Variants in PTPRD observed in about 807,000 individuals in gnomAD.
The protein encoded by PTPRD is receptor-type tyrosine-protein phosphatase delta.
In PTPRD, 34 loss-of-function variants were observed where a neutral mutation model predicts 214.5. The observed-to-expected ratio is 0.16, with a 90% CI of 0.12 to 0.21. The LOEUF is 0.21. Among genes scored for constraint, PTPRD ranks in the 10% least tolerant of loss-of-function variants. The pLI is 1.00. For synonymous variants in PTPRD, 1,128 were observed against 845.7 expected (o/e 1.33, Z -5.79); for missense variants, 2,545 against 2,398.7 (o/e 1.06, Z -1.27).
At chr9:10,454,591 CT>C (rs1405291384) in intron 2 of PTPRD, among the ~76,000 whole-genome samples, 2 of 151,638 alleles carry the variant, frequency 1.3e-5, no homozygotes, top group Non-Finnish European at 3.0e-5. Flanking sequence ...ATTCTTCCAC[CT>C]TAAACATATT....
intron 10 of PTPRD, among the ~76,000 whole-genome samples, chr9:9,043,904 A>AAAAATAAAATAAAAT (rs34743506): frequency 1.7e-4 from 24 of 137,440 alleles, no homozygotes; most frequent in African/African-American, 5.7e-4. Flanking sequence ...ACCCTGTCTC[A>AAAAATAAAATAAAAT]AAAATAAAAT....
At chr9:8,499,560 G>T in intron 25 of PTPRD, 87 bp downstream of exon 25, 1 of 1,428,838 alleles carries the variant, frequency 7.0e-7, no homozygotes, top group Non-Finnish European at 9.5e-7. Flanking sequence ...TTTAAATGTC[G>T]AAAAACTAAA....
At chr9:8,541,320 C>T (rs1007225925) in intron 14 of PTPRD, among the ~76,000 whole-genome samples, 6 of 152,130 alleles carry the variant, frequency 3.9e-5, no homozygotes, top group African/African-American at 1.4e-4. Flanking sequence ...GCATCAACCT[C>T]CCAGGCTGAA....
chr9:9,444,464 G>C (rs952929036), intron 8 of PTPRD, among the ~76,000 whole-genome samples: 5 of 152,116 alleles, frequency 3.3e-5, no homozygotes, highest in Non-Finnish European at 7.4e-5. Context: ...ATTGTGCCTA[G>C]CATGGCATTT....
At chr9:10,367,541 G>A (rs956374898) in intron 2 of PTPRD, among the ~76,000 whole-genome samples, 3 of 151,904 alleles carry the variant, frequency 2.0e-5, no homozygotes, top group African/African-American at 7.3e-5. Flanking sequence ...AGCCCAATGG[G>A]GAAATAAATA....
chr9:9,019,304 G>GA (rs1205930605), intron 10 of PTPRD, among the ~76,000 whole-genome samples: 3 of 86,812 alleles, frequency 3.5e-5, no homozygotes, highest in African/African-American at 1.5e-4. Flanking sequence ...AAGAAAGAAA[G>GA]AAAGAAAGAA....
intron 8 of PTPRD, among the ~76,000 whole-genome samples, chr9:9,449,104 C>T (rs567122238): frequency 1.3e-5 from 2 of 152,120 alleles, no homozygotes; most frequent in South Asian, 2.1e-4. Context: ...TCTATACTGC[C>T]GCTGGCAATA....
chr9:10,191,194 G>A (rs1055129756), intron 3 of PTPRD, among the ~76,000 whole-genome samples: 1 of 151,972 alleles, frequency 6.6e-6, no homozygotes, highest in African/African-American at 2.4e-5. Flanking sequence ...TACTCATTTG[G>A]AGAATTAACA....
chr9:10,070,796 A>G (rs1177380637), intron 3 of PTPRD, among the ~76,000 whole-genome samples: 1 of 151,962 alleles, frequency 6.6e-6, no homozygotes, highest in African/African-American at 2.4e-5. Context: ...ACCGGCCACT[A>G]TCATATATAT....
intron 11 of PTPRD, among the ~76,000 whole-genome samples, chr9:8,984,659 C>A (rs2099330170): frequency 6.6e-6 from 1 of 152,068 alleles, no homozygotes; most frequent in Admixed American, 6.6e-5. Flanking sequence ...GGCAAGTTAA[C>A]CTCTCACTCT....
chr9:9,421,603 T>A (rs911423258), intron 8 of PTPRD, among the ~76,000 whole-genome samples: 2 of 152,102 alleles, frequency 1.3e-5, no homozygotes, highest in African/African-American at 4.8e-5. Flanking sequence ...GGCTTAGCAA[T>A]ACACCACTTG....
At chr9:9,964,796 C>T (rs910159892) in intron 4 of PTPRD, among the ~76,000 whole-genome samples, 1 of 152,028 alleles carries the variant, frequency 6.6e-6, no homozygotes. Flanking sequence ...ATGTAATAAA[C>T]TAAGGCTTAG....
At chr9:10,122,383 T>G (rs1268796427) in intron 3 of PTPRD, among the ~76,000 whole-genome samples, 1 of 152,152 alleles carries the variant, frequency 6.6e-6, no homozygotes. Flanking sequence ...TGAAAATAAT[T>G]TATCCAACAA....
chr9:8,883,381 T>C (rs546628683), intron 11 of PTPRD, among the ~76,000 whole-genome samples: 3 of 152,322 alleles, frequency 2.0e-5, no homozygotes, highest in Non-Finnish European at 4.4e-5. Context: ...TCAGCACAAA[T>C]GCCTAGACAC....
At chr9:9,889,173 G>A (rs1464464026) in intron 5 of PTPRD, among the ~76,000 whole-genome samples, 1 of 152,008 alleles carries the variant, frequency 6.6e-6, no homozygotes, top group East Asian at 1.9e-4. Flanking sequence ...CGAAATTTTA[G>A]ACAGGAGGAG....
At chr9:9,738,819 T>C (rs923105551) in intron 6 of PTPRD, among the ~76,000 whole-genome samples, 1 of 152,172 alleles carries the variant, frequency 6.6e-6, no homozygotes. Flanking sequence ...AGATATGTGA[T>C]TTGCAAATAT....
intron 10 of PTPRD, among the ~76,000 whole-genome samples, chr9:9,048,922 C>A (rs919988731): frequency 2.0e-5 from 3 of 151,874 alleles, no homozygotes; most frequent in Non-Finnish European, 2.9e-5. Context: ...TCTCATGTAC[C>A]CCATAAATAT....
intron 9 of PTPRD, among the ~76,000 whole-genome samples, chr9:9,213,191 T>C (rs886649181): frequency 2.0e-5 from 3 of 152,180 alleles, no homozygotes; most frequent in African/African-American, 7.2e-5. Flanking sequence ...TTTCAAGATC[T>C]TGTTGCAGAG....
chr9:8,846,619 C>A (rs2097701964), intron 11 of PTPRD, among the ~76,000 whole-genome samples: 2 of 152,054 alleles, frequency 1.3e-5, no homozygotes, highest in South Asian at 4.1e-4. Context: ...GGGTTGGGGA[C>A]ATTCCAAATG....
Sources: allele counts gnomAD v4.1 joint callset (sites outside exome capture counted in the v4.1 genomes callset), GRCh38; gene constraint gnomAD v4.1.1; transcripts MANE v1.5; gene names NCBI Gene and HGNC (gene_info 2026-07-23, HGNC 2026-07-21).